TPP2: variants seen among roughly 807,000 people sequenced by gnomAD.
TPP2 encodes the protein tripeptidyl-peptidase 2.
Under a neutral mutation model 155.9 loss-of-function variants are expected in TPP2, and 34 were observed. The ratio of observed to expected loss-of-function variants is 0.22; its 90% CI spans 0.17 to 0.29. The LOEUF is 0.29. TPP2 is among the 10% of genes least tolerant of loss of function. The pLI, the probability that TPP2 is intolerant of heterozygous loss-of-function variation, is 1.00. For synonymous variants in TPP2, 510 were observed against 529.4 expected (o/e 0.96, Z 0.50); for missense variants, 1,028 against 1,522.3 (o/e 0.68, Z 5.40).
intron 6 of TPP2, among the ~76,000 whole-genome samples, chr13:102,624,651 A>T (rs1881432617): frequency 6.6e-6 from 1 of 152,122 alleles, no homozygotes; most frequent in African/African-American, 2.4e-5. Flanking sequence ...AGATTCATTA[A>T]TGTTATGATT....
intron 27 of TPP2, among the ~76,000 whole-genome samples, chr13:102,668,294 G>T (rs948258732): frequency 6.6e-6 from 1 of 152,052 alleles, no homozygotes; most frequent in Non-Finnish European, 1.5e-5. Context: ...TTCCAAGAAG[G>T]TTTGCATCTT....
intron 27 of TPP2, among the ~76,000 whole-genome samples, chr13:102,672,633 AC>A (rs909224070): frequency 2.0e-4 from 30 of 152,154 alleles, no homozygotes; most frequent in African/African-American, 6.7e-4. Flanking sequence ...TTTCTCCTTC[AC>A]AAAATCAGGA....
Position 102,678,308 on chromosome 13 carries a change from G to T in TPP2, c.3781G>T (p.Val1261Leu). 1.2e-6 allele frequency: 2 copies of T among 1,613,038 alleles called. No homozygotes were observed. The highest frequency in any genetic ancestry group is 1.7e-6 in the Non-Finnish European group (2 of 1,179,506). The change falls in exon 30 of 30, where the codon GTA becomes TTA. Residue 1261 changes from valine (V) to leucine (L), a missense_variant. Coordinates refer to ENST00000376052, the MANE Select transcript of TPP2 (RefSeq NM_001330588.2). ...LPIMYPPDYC[V>L]F ...CATCATGTATCCTCCCGATTATTGC[G>T]TATTCTAAAATAGGAAACAAGACTT...
chr13:102,640,448 C>A (rs995503525), intron 16 of TPP2, 72 bp downstream of exon 16: 2 of 1,230,548 alleles, frequency 1.6e-6, no homozygotes, highest in Non-Finnish European at 2.4e-6. Context: ...GTATGAGGTT[C>A]GTTTATCTGT....
At chr13:102,598,028 A>T (rs1218804403) in intron 1 of TPP2, among the ~76,000 whole-genome samples, 1 of 151,754 alleles carries the variant, frequency 6.6e-6, no homozygotes, top group Non-Finnish European at 1.5e-5. Flanking sequence ...AAAATTACTT[A>T]GTTTTTTGCC....
Position 102,618,797 on chromosome 13 carries a change from C to T in TPP2, c.571C>T (p.Pro191Ser), listed in dbSNP as rs773851239. The T allele has an allele frequency of 6.2e-6, 10 of 1,613,794 alleles. No individual in the cohort carries two copies. The highest frequency in any genetic ancestry group is 6.8e-6 in the Non-Finnish European group (8 of 1,179,872). The change falls in exon 5 of 30, where the codon CCT becomes TCT. Residue 191 changes from proline to serine, a missense_variant. By Grantham distance (74) the Pro-to-Ser change is moderately conservative (BLOSUM62 -1). Coordinates refer to ENST00000376052, the MANE Select transcript of TPP2 (RefSeq NM_001330588.2). Reference sequence around the variant, plus strand: ...TTCTTTTGAGAAGAAATACAGCGATCCTGGCCCTGTATATGACTGCTTGGT... The same window carrying T: ...TTCTTTTGAGAAGAAATACAGCGATTCTGGCCCTGTATATGACTGCTTGGT... ...LNSFEKKYSD[P>S]GPVYDCLVWH...
chr13:102,621,203 A>G (rs1221073625), intron 5 of TPP2, among the ~76,000 whole-genome samples: 1 of 152,206 alleles, frequency 6.6e-6, no homozygotes, highest in Admixed American at 6.5e-5. Flanking sequence ...TGGTGGTTAT[A>G]AGAAACTGAC....
At chr13:102,600,282 T>C (rs958437699) in intron 1 of TPP2, among the ~76,000 whole-genome samples, 2 of 152,200 alleles carry the variant, frequency 1.3e-5, no homozygotes, top group African/African-American at 4.8e-5. Flanking sequence ...TCATCTTCCG[T>C]CAGGCTTCTA....
At chr13:102,629,734 A>T (rs1011843376) in intron 9 of TPP2, 125 bp downstream of exon 9, 20 of 1,299,860 alleles carry the variant, frequency 1.5e-5, no homozygotes, top group Admixed American at 7.2e-5. Context: ...TGTCCTCAGG[A>T]AACTTATAGT....
chr13:102,642,291 A>C (rs1373903609), intron 16 of TPP2, among the ~76,000 whole-genome samples: 1 of 152,158 alleles, frequency 6.6e-6, no homozygotes, highest in South Asian at 2.1e-4. Context: ...TGGGACTTGT[A>C]GAGCTCCAGG....
intron 3 of TPP2, among the ~76,000 whole-genome samples, chr13:102,615,161 C>T (rs962683600): frequency 7.9e-5 from 12 of 152,282 alleles, no homozygotes; most frequent in Middle Eastern, 3.4e-3. Flanking sequence ...GCAAAACAAA[C>T]AAGAATAATG....
chr13:102,644,310 C>T (rs1250057899), intron 17 of TPP2, among the ~76,000 whole-genome samples: 1 of 152,130 alleles, frequency 6.6e-6, no homozygotes, highest in Non-Finnish European at 1.5e-5. Flanking sequence ...CTTTCAGAAG[C>T]TGCCTAGGAT....
chr13:102,601,072 T>C (rs997479808), intron 1 of TPP2, among the ~76,000 whole-genome samples: 2 of 152,056 alleles, frequency 1.3e-5, no homozygotes, highest in Non-Finnish European at 1.5e-5. Flanking sequence ...TTAATTTTTT[T>C]GTAGAGACAG....
rs1880739137 is a variant in TPP2 at position 102,616,444 on chromosome 13, G to T, written c.439G>T (p.Ala147Ser). 2 of 1,612,874 alleles carry T rather than the reference G, an allele frequency of 1.2e-6. No homozygotes were observed. ...IWDPVHRVALAEACRKQEEFD... is the reference protein window; with the variant it reads ...IWDPVHRVALSEACRKQEEFD... ...GGACCCTGTTCACAGAGTGGCCCTT[G>T]CAGAAGCCTGTAGAAAACAGGAAGA... Residue 147 changes from alanine to serine, a missense_variant, in exon 4 of 30, where the codon GCA (alanine) becomes TCA (serine). Transcript: ENST00000376052.
At chr13:102,614,872 C>T (rs570232327) in intron 3 of TPP2, among the ~76,000 whole-genome samples, 1 of 151,084 alleles carries the variant, frequency 6.6e-6, no homozygotes, top group South Asian at 2.1e-4. Context: ...TTTAGTGTGA[C>T]TGACGAATTG....
intron 24 of TPP2, among the ~76,000 whole-genome samples, chr13:102,656,128 T>C (rs1681574636): frequency 1.3e-5 from 2 of 152,194 alleles, no homozygotes; most frequent in South Asian, 4.1e-4. Context: ...CTTTACCCTC[T>C]ATAATCTATT....
chr13:102,653,850 T>C (rs1047661212), intron 24 of TPP2, among the ~76,000 whole-genome samples: 4 of 152,224 alleles, frequency 2.6e-5, no homozygotes, highest in African/African-American at 9.6e-5. Context: ...ATTTAACTTA[T>C]AGTGCGTTGT....
At chr13:102,617,209 C>T (rs948041108) in intron 4 of TPP2, among the ~76,000 whole-genome samples, 4 of 152,024 alleles carry the variant, frequency 2.6e-5, no homozygotes, top group East Asian at 1.9e-4. Context: ...CCACCGTGCC[C>T]GGCCTATGTA....
chr13:102,629,593 T>C lies in TPP2; in HGVS notation c.1128T>C (p.Thr376=). ...CLSTVGCPGG[T]TSSVIGVGAY... is the part of the protein sequence containing the mutation. ...CTACAGTTGGTTGTCCAGGTGGAAC[T>C]ACATCAAGTGTGATAGGTTAGTTTC... is the stretch of plus-strand genomic sequence containing the variant. Residue 376 remains threonine, a synonymous_variant, in exon 9 of 30, where the codon ACT becomes ACC. Coordinates refer to ENST00000376052, the MANE Select transcript of TPP2 (RefSeq NM_001330588.2). 3 of 1,552,406 alleles carry C rather than the reference T, an allele frequency of 1.9e-6. No individual in the cohort carries two copies. Among genetic ancestry groups the C allele is most frequent in the Non-Finnish European group, 2.6e-6 (3 of 1,159,668 alleles).
Sources: allele counts gnomAD v4.1 joint callset (sites outside exome capture counted in the v4.1 genomes callset), GRCh38; gene constraint gnomAD v4.1.1; transcripts MANE v1.5; gene names NCBI Gene and HGNC (gene_info 2026-07-23, HGNC 2026-07-21).